The following ANKIB1 variants were observed in gnomAD, a reference collection of about 807,000 sequenced individuals.
ANKIB1 encodes ankyrin repeat and IBR domain-containing protein 1.
Under a neutral mutation model 122.1 loss-of-function variants are expected in ANKIB1, and 43 were observed. That is an observed-to-expected ratio of 0.35 (90% CI 0.28 to 0.45). The LOEUF (loss-of-function observed/expected upper bound fraction) is 0.45, where lower values mean the gene tolerates loss of function less well. ANKIB1 is among the 20% of genes least tolerant of loss of function. The pLI is 1.00. For synonymous variants in ANKIB1, 390 were observed against 442.0 expected (o/e 0.88, Z 1.48); for missense variants, 992 against 1,329.5 (o/e 0.75, Z 3.95).
chr7:92,369,928 A>G (rs546696009), intron 10 of ANKIB1, among the ~76,000 whole-genome samples: 2 of 152,368 alleles, frequency 1.3e-5, no homozygotes, highest in South Asian at 4.1e-4. Flanking sequence ...AAAATGTAAA[A>G]TTTAGAATCT....
chr7:92,351,525 G>T (rs1302318055), intron 8 of ANKIB1, among the ~76,000 whole-genome samples: 1 of 151,952 alleles, frequency 6.6e-6, no homozygotes, highest in Non-Finnish European at 1.5e-5. Context: ...TTTATTCCAA[G>T]TAATAGGTTT....
intron 4 of ANKIB1, chr7:92,319,789 G>T (rs960658488): frequency 3.2e-6 from 1 of 316,296 alleles, no homozygotes; most frequent in African/African-American, 2.2e-5. Context: ...TTAAAAATTT[G>T]CCAGGAATGG....
chr7:92,266,794 A>G (rs1801679991), intron 1 of ANKIB1, among the ~76,000 whole-genome samples: 1 of 152,224 alleles, frequency 6.6e-6, no homozygotes, highest in Non-Finnish European at 1.5e-5. Flanking sequence ...TAGCATCCAC[A>G]CATGGCAGAA....
At chr7:92,389,231 G>A (rs1804732416) in intron 14 of ANKIB1, among the ~76,000 whole-genome samples, 1 of 152,150 alleles carries the variant, frequency 6.6e-6, no homozygotes, top group Admixed American at 6.5e-5. Flanking sequence ...CTGTCAGTTT[G>A]TGTACACATA....
chr7:92,326,735 G>T lies in ANKIB1; in HGVS notation c.670-1048G>T, dbSNP rs770747961. ...TTGGGGCTTTTCTAAAGATAATTTG[G>T]ATTAAATTGCAGTGCCTCTTTCTCT... On this transcript the variant is annotated intron_variant, in intron 4 of 19. Transcript: ENST00000265742. 5.5e-4 allele frequency among the ~76,000 whole-genome samples: 83 copies of T among 152,010 alleles called. 1 individual carries two copies. Among genetic ancestry groups the T allele is most frequent in the Non-Finnish European group, 1.9e-4 (13 of 68,002 alleles).
intron 2 of ANKIB1, among the ~76,000 whole-genome samples, chr7:92,306,488 T>G (rs909070620): frequency 6.6e-6 from 1 of 152,116 alleles, no homozygotes; most frequent in African/African-American, 2.4e-5. Flanking sequence ...AGTATTATAC[T>G]ATGTGCTGTG....
rs367809109 is a variant in ANKIB1 at position 92,384,945 on chromosome 7, A to G, written c.1618-1564A>G. Among the ~76,000 whole-genome samples the G allele has an allele frequency of 3.2e-4, 48 of 152,366 alleles. 1 individual carries two copies. Among genetic ancestry groups the G allele is most frequent in the African/African-American group, 9.9e-4 (41 of 41,592 alleles). ...AAAAGAAACTACCATCAGAGTGAACAGGCAAACCTCAGCATGGGAGAAAAT... is the reference window on the plus strand; with the variant it reads ...AAAAGAAACTACCATCAGAGTGAACGGGCAAACCTCAGCATGGGAGAAAAT... On this transcript the variant is annotated intron_variant, in intron 11 of 19. Transcript: ENST00000265742.
At chr7:92,379,968 G>A (rs1178441500) in intron 11 of ANKIB1, among the ~76,000 whole-genome samples, 1 of 152,128 alleles carries the variant, frequency 6.6e-6, no homozygotes, top group Non-Finnish European at 1.5e-5. Context: ...AGCATAAAGG[G>A]TTGGGGGATT....
intron 7 of ANKIB1, chr7:92,347,855 T>G: frequency 7.8e-6 from 2 of 254,848 alleles, no homozygotes; most frequent in Non-Finnish European, 7.7e-6. Context: ...ATCATCAGTT[T>G]TTTAAATTTC....
At position 92,397,833 on chromosome 7, in the gene ANKIB1, C is replaced by G; in HGVS notation, c.2506C>G (p.Arg836Gly). The G allele has an allele frequency of 6.2e-7, 1 of 1,607,380 alleles. No individual in the cohort carries two copies. Among genetic ancestry groups the G allele is most frequent in the Non-Finnish European group, 8.5e-7 (1 of 1,178,000 alleles). ...CCTGCGTGACTACACCCCTGCCAGT[C>G]GCTCTGAAAACCAGGACTCTCTTCA... The part of the protein sequence containing the change: ...SSLRDYTPAS[R>G]SENQDSLQAL... Residue 836 changes from arginine (R) to glycine (G), a missense_variant, in exon 19 of 20, where the codon CGC becomes GGC. Transcript: ENST00000265742.
intron 5 of ANKIB1, among the ~76,000 whole-genome samples, chr7:92,333,354 C>G (rs1308028777): frequency 2.6e-5 from 4 of 152,152 alleles, no homozygotes; most frequent in Admixed American, 1.3e-4. Flanking sequence ...TATAGCTACA[C>G]TGACCTTTTT....
At chr7:92,300,535 A>G (rs1040248575) in intron 2 of ANKIB1, among the ~76,000 whole-genome samples, 18 of 152,096 alleles carry the variant, frequency 1.2e-4, no homozygotes, top group African/African-American at 4.3e-4. Flanking sequence ...GTACAGAGAG[A>G]ATCACAAATC....
chr7:92,246,756 C>T (rs1407761656), intron 1 of ANKIB1, among the ~76,000 whole-genome samples: 1 of 152,204 alleles, frequency 6.6e-6, no homozygotes, highest in South Asian at 2.1e-4. Context: ...CGCGTCCCAT[C>T]CTCCCCATCT....
At chr7:92,295,245 C>T (rs919598328) in intron 2 of ANKIB1, 79 bp downstream of exon 2, 47 of 1,116,622 alleles carry the variant, frequency 4.2e-5, no homozygotes, top group Admixed American at 3.4e-5. Flanking sequence ...AAAAAAGGAA[C>T]TATGATTTTT....
At chr7:92,304,858 TA>T (rs200256244) in intron 2 of ANKIB1, among the ~76,000 whole-genome samples, 1 of 152,112 alleles carries the variant, frequency 6.6e-6, no homozygotes, top group East Asian at 1.9e-4. Flanking sequence ...TATGGCTGTA[TA>T]AAAAAAATTA....
At position 92,387,661 on chromosome 7, in the gene ANKIB1, T is replaced by C. The variant is rs1218987130; in HGVS notation, c.1753-137T>C. 2.8e-5 allele frequency: 18 copies of C among 651,480 alleles called. No individual in the cohort carries two copies. The East Asian group carries it at 5.0e-4, about 18-fold the overall frequency. The allele number at this position is 651,480 out of a possible 1,614,324, so 40.4% of individuals were successfully genotyped here. A position where few individuals can be genotyped will look rare whatever the true frequency, so the allele number is the denominator to read the frequency against. On this transcript the variant is annotated intron_variant, in intron 12 of 19. Transcript: ENST00000265742. Reference sequence around the variant, plus strand: ...AAAAAAAAAAAAACAAGTATTGTTTTTCTGTCAAGAAAATAATTCGCAAAT... The same window carrying C: ...AAAAAAAAAAAAACAAGTATTGTTTCTCTGTCAAGAAAATAATTCGCAAAT...
intron 5 of ANKIB1, among the ~76,000 whole-genome samples, chr7:92,342,218 C>T (rs1803454611): frequency 6.6e-6 from 1 of 152,158 alleles, no homozygotes; most frequent in South Asian, 2.1e-4. Flanking sequence ...GGTTTCAAAT[C>T]TCTGTGTGAG....
chr7:92,263,389 A>G (rs1011993033), intron 1 of ANKIB1, among the ~76,000 whole-genome samples: 2 of 152,208 alleles, frequency 1.3e-5, no homozygotes, highest in African/African-American at 4.8e-5. Context: ...GATAAATGAT[A>G]CTGTGTTAAA....
At chr7:92,311,507 C>T (rs1052479580) in intron 3 of ANKIB1, among the ~76,000 whole-genome samples, 20 of 152,118 alleles carry the variant, frequency 1.3e-4, no homozygotes, top group African/African-American at 4.8e-4. Flanking sequence ...CAGCCTGTTT[C>T]TTGACTACAT....
Sources: allele counts gnomAD v4.1 joint callset (sites outside exome capture counted in the v4.1 genomes callset), GRCh38; gene constraint gnomAD v4.1.1; transcripts MANE v1.5; gene names NCBI Gene and HGNC (gene_info 2026-07-23, HGNC 2026-07-21).